Variants in EML4 observed in about 807,000 individuals in gnomAD.
EML4 encodes EMAP like 4.
In EML4, 72 loss-of-function variants were observed where a neutral mutation model predicts 129.0. The observed-to-expected ratio is 0.56, with a 90% CI of 0.46 to 0.68. EML4 has a LOEUF of 0.68. EML4 is among the 30% of genes least tolerant of loss of function. The pLI is 0.00. For synonymous variants in EML4, 532 were observed against 405.0 expected (o/e 1.31, Z -3.77); for missense variants, 1,363 against 1,190.6 (o/e 1.14, Z -2.13).
chr2:42,294,445 C>A (rs1667831560), intron 11 of EML4, among the ~76,000 whole-genome samples: 1 of 152,230 alleles, frequency 6.6e-6, no homozygotes, highest in Admixed American at 6.5e-5. Flanking sequence ...CCTGTAATCC[C>A]AGCCCTTTGG....
chr2:42,288,442 C>G (rs1572695517), intron 11 of EML4, 120 bp downstream of exon 11: 2 of 459,162 alleles, frequency 4.4e-6, no homozygotes, highest in East Asian at 6.9e-5. Flanking sequence ...ATCTACTAGC[C>G]AAATTCAGCA....
chr2:42,287,480 A>C (rs569804247), intron 10 of EML4, among the ~76,000 whole-genome samples: 2 of 152,174 alleles, frequency 1.3e-5, no homozygotes, highest in African/African-American at 4.8e-5. Context: ...CTAAGAGATA[A>C]AGAGGAGAAG....
chr2:42,288,574 T>G (rs1329334303), intron 11 of EML4: 2 of 219,552 alleles, frequency 9.1e-6, no homozygotes, highest in African/African-American at 4.5e-5. Flanking sequence ...AATGCCAGAG[T>G]AGATGGATGT....
intron 1 of EML4, among the ~76,000 whole-genome samples, chr2:42,187,174 G>A (rs28669283): frequency 0.13 from 20,061 of 151,636 alleles, 1,313 homozygotes; most frequent in East Asian, 0.18. Flanking sequence ...CTCCCAAGTA[G>A]CTGGGACTAT....
intron 17 of EML4, among the ~76,000 whole-genome samples, chr2:42,312,271 C>CG (rs1324754006): frequency 2.6e-5 from 4 of 152,126 alleles, no homozygotes; most frequent in African/African-American, 9.6e-5. Flanking sequence ...TAAGCCCCCC[C>CG]CCACCATCGT....
intron 1 of EML4, among the ~76,000 whole-genome samples, chr2:42,201,673 A>C (rs1194774890): frequency 6.6e-6 from 1 of 152,232 alleles, no homozygotes; most frequent in Non-Finnish European, 1.5e-5. Flanking sequence ...TGTCATTTGC[A>C]CAACATGGAT....
At chr2:42,299,033 C>G (rs1036939993) in intron 13 of EML4, among the ~76,000 whole-genome samples, 8 of 152,172 alleles carry the variant, frequency 5.3e-5, no homozygotes, top group African/African-American at 1.9e-4. Context: ...GAGATAGATA[C>G]TTATCTACCT....
chr2:42,261,179 C>G lies in EML4; in HGVS notation c.397C>G (p.His133Asp), dbSNP rs1382636234. ...QGQREKKEES[H>D]SNDQSPQIRA... ...ACAGAGAGAAAAAAAAGAGGAATCT[C>G]ATTCTAATGATCAAAGTCCACAAAT... Residue 133 changes from histidine (H) to aspartate (D), a missense_variant, in exon 4 of 23, where the codon CAT becomes GAT. Transcript: ENST00000318522. 6.2e-7 allele frequency: 1 copy of G among 1,613,814 alleles called. No homozygotes were observed. Among genetic ancestry groups the G allele is most frequent in the African/African-American group, 1.3e-5 (1 of 75,026 alleles).
At chr2:42,325,736 A>G (rs1434303079) in intron 20 of EML4, among the ~76,000 whole-genome samples, 182 bp downstream of exon 20, 1 of 150,284 alleles carries the variant, frequency 6.7e-6, no homozygotes, top group Non-Finnish European at 1.5e-5. Context: ...GACAAAGCAT[A>G]TGTTATGCTG....
intron 1 of EML4, among the ~76,000 whole-genome samples, chr2:42,239,403 A>C (rs1037528496): frequency 2.0e-5 from 3 of 152,216 alleles, no homozygotes; most frequent in African/African-American, 7.2e-5. Context: ...ATTCAGTGTA[A>C]TAAAAGCATA....
chr2:42,303,368 C>G lies in EML4; in HGVS notation c.1821C>G (p.Leu607=), dbSNP rs374564605. The G allele has an allele frequency of 6.2e-7, 1 of 1,614,092 alleles. No homozygotes were observed. Among genetic ancestry groups the G allele is most frequent in the South Asian group, 1.1e-5 (1 of 91,052 alleles). ...CCACACATCCCTTCAAAGATTTGCT[C>G]TTGACATGTGCTCAGGACAGGCAGG... The part of the protein sequence containing the change: ...GLATHPFKDL[L]LTCAQDRQVC... Residue 607 remains leucine (L), a synonymous_variant, in exon 16 of 23, where the codon CTC becomes CTG. Transcript: ENST00000318522.
intron 1 of EML4, among the ~76,000 whole-genome samples, chr2:42,231,649 A>G (rs924713752): frequency 2.6e-5 from 4 of 152,084 alleles, no homozygotes; most frequent in Non-Finnish European, 4.4e-5. Flanking sequence ...AGTATCATCT[A>G]TTAAAATTAT....
intron 17 of EML4, among the ~76,000 whole-genome samples, chr2:42,313,745 C>G (rs554866602): frequency 6.7e-6 from 1 of 150,336 alleles, no homozygotes; most frequent in Admixed American, 6.6e-5. Context: ...CTGATCAACA[C>G]GGCGAAACCC....
chr2:42,170,587 C>G (rs1041459159), intron 1 of EML4, among the ~76,000 whole-genome samples: 2 of 152,156 alleles, frequency 1.3e-5, no homozygotes, highest in African/African-American at 4.8e-5. Context: ...ATTCGCTGCC[C>G]TAGAAGCTGA....
At chr2:42,180,841 T>G (rs773335754) in intron 1 of EML4, among the ~76,000 whole-genome samples, 4 of 152,256 alleles carry the variant, frequency 2.6e-5, no homozygotes, top group Non-Finnish European at 1.5e-5. Flanking sequence ...GAATTTAGTT[T>G]TCATGTCTCT....
chr2:42,184,380 C>T, intron 1 of EML4, among the ~76,000 whole-genome samples: 1 of 109,572 alleles, frequency 9.1e-6, no homozygotes. Flanking sequence ...GCTATCCCTC[C>T]CCCCTCCCCC....
rs1023248874 is a variant in EML4 at position 42,220,299 on chromosome 2, A to G, written c.26-25206A>G. On this transcript the variant is annotated intron_variant, in intron 1 of 22. Coordinates refer to ENST00000318522, the MANE Select transcript of EML4 (RefSeq NM_019063.5). ...TGGCAACCCTGCATTGAGCAAGTGTATTGGCCCCGTTTTTCCAACAGCATG... is the reference window on the plus strand; with the variant it reads ...TGGCAACCCTGCATTGAGCAAGTGTGTTGGCCCCGTTTTTCCAACAGCATG... Among the ~76,000 whole-genome samples the G allele has an allele frequency of 7.6e-5, 11 of 145,086 alleles. No homozygotes were observed. The South Asian group carries it at 1.9e-3, about 25-fold the overall frequency.
intron 2 of EML4, 50 bp from the exon 3 acceptor site, chr2:42,256,451 T>C: frequency 6.5e-7 from 1 of 1,536,692 alleles, no homozygotes; most frequent in Non-Finnish European, 8.8e-7. Context: ...TTTAGATCTT[T>C]AAGGAATATA....
chr2:42,224,683 T>G (rs1673837310), intron 1 of EML4, among the ~76,000 whole-genome samples: 1 of 152,126 alleles, frequency 6.6e-6, no homozygotes, highest in Admixed American at 6.5e-5. Context: ...TATGAGGGTT[T>G]CAATTTCCCC....
Sources: allele counts gnomAD v4.1 joint callset (sites outside exome capture counted in the v4.1 genomes callset), GRCh38; gene constraint gnomAD v4.1.1; transcripts MANE v1.5; gene names NCBI Gene and HGNC (gene_info 2026-07-23, HGNC 2026-07-21).